Variants in MCM9 observed in about 807,000 individuals in gnomAD.
The protein encoded by MCM9 is DNA helicase MCM9.
Under a neutral mutation model 72.8 loss-of-function variants are expected in MCM9, and 55 were observed. That is an observed-to-expected ratio of 0.76 (90% CI 0.61 to 0.95). The LOEUF (loss-of-function observed/expected upper bound fraction) is 0.95, where lower values mean the gene tolerates loss of function less well. Ranked by LOEUF, MCM9 falls within the 40% of genes least tolerant of loss-of-function variation. The probability of loss-of-function intolerance (pLI) is 0.00; values close to 1 mark genes in which losing one functional copy is unlikely to be tolerated. For missense variants in MCM9, 1,279 were observed against 1,377.0 expected (o/e 0.93, Z 1.13); for synonymous variants, 480 against 503.4 (o/e 0.95, Z 0.62).
chr6:118,891,668 T>A (rs1778951309), intron 8 of MCM9, among the ~76,000 whole-genome samples: 1 of 152,148 alleles, frequency 6.6e-6, no homozygotes, highest in Non-Finnish European at 1.5e-5. Context: ...AATCTCCAAA[T>A]ACAGTCACAT....
At chr6:118,873,156 AG>A (rs1777712136) in intron 8 of MCM9, among the ~76,000 whole-genome samples, 2 of 129,294 alleles carry the variant, frequency 1.5e-5, no homozygotes, top group Admixed American at 1.7e-4. Flanking sequence ...TAGGTAACAC[AG>A]TGAGACAGGA....
intron 8 of MCM9, among the ~76,000 whole-genome samples, chr6:118,880,746 T>G (rs1176012130): frequency 6.6e-6 from 1 of 152,230 alleles, no homozygotes; most frequent in Admixed American, 6.5e-5. Context: ...ATAGGGAAGT[T>G]AGTAGAAGGC....
rs1336902710 is a variant in MCM9, at chr6:118,923,892, G to C, written c.540C>G (p.Ser180=). The change falls in exon 4 of 14, where the codon TCC becomes TCG. Residue 180 remains serine (S), a synonymous_variant. Coordinates refer to ENST00000619706, the MANE Select transcript of MCM9 (RefSeq NM_017696.3). The stretch of plus-strand genomic sequence containing the variant: ...AGCCTGAGAGGCAAGTGAATTTAGA[G>C]GAATCACAGCTCTCCAAGCTGGGAC... ...SSCPSLESCD[S]SKFTCLSGLS... is the part of the protein sequence containing the mutation. 6.2e-7 allele frequency: 1 copy of C among 1,614,072 alleles called. No individual in the cohort carries two copies. The highest frequency in any genetic ancestry group is 1.3e-5 in the African/African-American group (1 of 74,938).
chr6:118,839,453 A>C (rs1028245993), intron 9 of MCM9, among the ~76,000 whole-genome samples: 1 of 151,846 alleles, frequency 6.6e-6, no homozygotes, highest in African/African-American at 2.4e-5. Context: ...TTCTCCATCC[A>C]GTTTTGTTCC....
At chr6:118,831,510 A>G (rs556185109) in intron 9 of MCM9, among the ~76,000 whole-genome samples, 9 of 152,258 alleles carry the variant, frequency 5.9e-5, no homozygotes, top group Admixed American at 5.9e-4. Flanking sequence ...TCCCTGTAGC[A>G]AAGAGGGAGG....
At chr6:118,838,203 C>T (rs1450661490) in intron 9 of MCM9, among the ~76,000 whole-genome samples, 2 of 151,082 alleles carry the variant, frequency 1.3e-5, no homozygotes, top group African/African-American at 4.9e-5. Context: ...CCCTGTCACC[C>T]AGGTTGTGAG....
chr6:118,911,839 T>C lies in MCM9; in HGVS notation c.1031-70A>G, dbSNP rs1225184945. The C allele has an allele frequency of 2.1e-5, 24 of 1,161,862 alleles. 1 individual carries two copies. In the South Asian group the frequency reaches 2.4e-4, roughly 12 times the overall value. The allele number at this position is 1,161,862 out of a possible 1,614,324, so 72.0% of individuals were successfully genotyped here. On this transcript the variant is annotated intron_variant, in intron 7 of 13. Transcript: ENST00000619706. ...GTCCATTTGGAATGCCAACAAAATATTACATAGTGTTTTTACTGTGTACTT... is the reference window on the plus strand; with the variant it reads ...GTCCATTTGGAATGCCAACAAAATACTACATAGTGTTTTTACTGTGTACTT...
At chr6:118,907,507 C>G (rs557053322) in intron 8 of MCM9, 31 of 1,613,416 alleles carry the variant, frequency 1.9e-5, no homozygotes, top group Non-Finnish European at 2.5e-5. Flanking sequence ...TAATCCAAAT[C>G]TACAGTCACT....
intron 8 of MCM9, among the ~76,000 whole-genome samples, chr6:118,868,217 A>T (rs940503269): frequency 1.3e-5 from 2 of 152,176 alleles, no homozygotes; most frequent in Non-Finnish European, 2.9e-5. Context: ...TGTTAAAAGA[A>T]CTAAAGCTAC....
At chr6:118,917,321 G>A (rs934959878) in intron 6 of MCM9, among the ~76,000 whole-genome samples, 1 of 152,182 alleles carries the variant, frequency 6.6e-6, no homozygotes, top group Admixed American at 6.5e-5. Context: ...TTTTGGCAGT[G>A]TATAAGGTGT....
At chr6:118,923,171 C>T (rs1031048564) in intron 4 of MCM9, among the ~76,000 whole-genome samples, 16 of 151,934 alleles carry the variant, frequency 1.1e-4, no homozygotes, top group East Asian at 3.8e-4. Context: ...GTTTAAGCTG[C>T]GAGCAAATGA....
In MCM9 at chr6:118,923,871, T is replaced by C; in HGVS notation, c.561A>G (p.Ser187=). ...SCDSSKFTCL[S]GLSSSPTRCR... ...ACCTGGTTGGAGACGAAGACAAGCC[T>C]GAGAGGCAAGTGAATTTAGAGGAAT... Residue 187 remains serine (S), a synonymous_variant, in exon 4 of 14, where the codon TCA becomes TCG. Transcript: ENST00000619706. 1 of 1,614,222 alleles carries C rather than the reference T, an allele frequency of 6.2e-7. No homozygotes were observed. Among genetic ancestry groups the C allele is most frequent in the East Asian group, 2.2e-5 (1 of 44,882 alleles).
At chr6:118,879,149 G>A (rs1440974246) in intron 8 of MCM9, among the ~76,000 whole-genome samples, 8 of 151,914 alleles carry the variant, frequency 5.3e-5, no homozygotes, top group South Asian at 2.1e-4. Flanking sequence ...AAAACAAAGA[G>A]GAGCATAGTA....
At chr6:118,840,432 G>A (rs556753458) in intron 9 of MCM9, among the ~76,000 whole-genome samples, 119 of 152,164 alleles carry the variant, frequency 7.8e-4, no homozygotes, top group African/African-American at 2.8e-3. Flanking sequence ...CTCATATGTA[G>A]CATAATCTCT....
At chr6:118,905,841 C>T (rs1394987740) in intron 8 of MCM9, 15 of 1,552,770 alleles carry the variant, frequency 9.7e-6, no homozygotes, top group African/African-American at 1.4e-5. Context: ...AATGTTCTTA[C>T]TATTCCTTTT....
intron 9 of MCM9, among the ~76,000 whole-genome samples, chr6:118,851,748 A>C (rs1776239526): frequency 6.7e-6 from 1 of 149,332 alleles, no homozygotes; most frequent in Non-Finnish European, 1.5e-5. Context: ...TAAATTCTAG[A>C]TAGTGGCTAA....
chr6:118,885,333 A>G (rs1370723477), intron 8 of MCM9, among the ~76,000 whole-genome samples: 2 of 152,220 alleles, frequency 1.3e-5, no homozygotes, highest in African/African-American at 2.4e-5. Flanking sequence ...TGGCAAGCAC[A>G]GGAAGGAAAT....
Position 118,931,727 on chromosome 6 carries a change from G to A in MCM9, c.-4C>T. 6.3e-7 allele frequency: 1 copy of A among 1,588,490 alleles called. No individual in the cohort carries two copies. Among genetic ancestry groups the A allele is most frequent in the Non-Finnish European group, 8.6e-7 (1 of 1,166,192 alleles). ...GTGTAACTTGATCGCTATTCATCTT[G>A]AATCTAGGTAACTAAAGAAAAAAAA... On this transcript the variant is annotated 5_prime_UTR_variant, in exon 3 of 14. Coordinates refer to ENST00000619706, the MANE Select transcript of MCM9 (RefSeq NM_017696.3).
chr6:118,870,422 G>GT (rs36144679), intron 8 of MCM9, among the ~76,000 whole-genome samples: 6 of 150,730 alleles, frequency 4.0e-5, no homozygotes, highest in Non-Finnish European at 8.9e-5. Flanking sequence ...AAATTAATGG[G>GT]TTTTTTTTTT....
Sources: gnomAD v4.1 joint callset for allele counts (sites outside exome capture counted in the v4.1 genomes callset) on GRCh38, gnomAD v4.1.1 for gene constraint, MANE v1.5 for transcripts, NCBI Gene and HGNC (gene_info 2026-07-23, HGNC 2026-07-21) for gene names.